Variants in VTI1A observed in about 807,000 individuals in gnomAD.
VTI1A encodes the protein vesicle transport through interaction with t-SNAREs 1A, also known as vesicle transport through interaction with t-SNAREs homolog 1A.
Under a neutral mutation model 34.9 loss-of-function variants are expected in VTI1A, and 22 were observed. That is an observed-to-expected ratio of 0.63 (90% CI 0.45 to 0.90). VTI1A has a LOEUF of 0.90. Among genes scored for constraint, VTI1A ranks in the 40% least tolerant of loss-of-function variants. The pLI is 0.00. For missense variants in VTI1A, 268 were observed against 275.6 expected, an observed-to-expected ratio of 0.97 and a Z score of 0.20; for synonymous variants, 87 against 97.3, an observed-to-expected ratio of 0.89 and a Z score of 0.62.
At chr10:112,512,810 C>G (rs964940774) in intron 3 of VTI1A, among the ~76,000 whole-genome samples, 5 of 152,120 alleles carry the variant, frequency 3.3e-5, no homozygotes, top group Non-Finnish European at 5.9e-5. Context: ...AGTCCTTTCT[C>G]CAGTGTAAGT....
At chr10:112,593,171 C>T (rs149379836) in intron 5 of VTI1A, among the ~76,000 whole-genome samples, 21 of 152,316 alleles carry the variant, frequency 1.4e-4, no homozygotes, top group Admixed American at 5.9e-4. Flanking sequence ...TTTCAACCCT[C>T]GCTCAACATT....
At chr10:112,737,909 A>T (rs1850554011) in intron 7 of VTI1A, 2 of 1,062,512 alleles carry the variant, frequency 1.9e-6, no homozygotes, top group Admixed American at 1.1e-4. Context: ...TGAGGGAGAG[A>T]GCTGAGGATG....
intron 3 of VTI1A, among the ~76,000 whole-genome samples, chr10:112,507,581 C>T (rs1182712656): frequency 6.6e-6 from 1 of 152,182 alleles, no homozygotes; most frequent in Non-Finnish European, 1.5e-5. Flanking sequence ...CTATACTATA[C>T]CCAAGATCTC....
chr10:112,720,210 T>C lies in VTI1A; in HGVS notation c.560+51212T>C, dbSNP rs192951533. Among the ~76,000 whole-genome samples, 19 of 152,346 alleles carry C rather than the reference T, an allele frequency of 1.2e-4. No individual in the cohort carries two copies. The East Asian group carries it at 3.5e-3, about 28-fold the overall frequency. ...TTTTGTGTGAACATACACTTTCATTTCTCCTTGCTGCCTACTTAGGAGTAG... is the reference window on the plus strand; with the variant it reads ...TTTTGTGTGAACATACACTTTCATTCCTCCTTGCTGCCTACTTAGGAGTAG... On this transcript the variant is annotated intron_variant, in intron 7 of 7. Coordinates refer to ENST00000393077, the MANE Select transcript of VTI1A (RefSeq NM_145206.4).
At chr10:112,670,501 C>T (rs1847808538) in intron 7 of VTI1A, among the ~76,000 whole-genome samples, 1 of 152,126 alleles carries the variant, frequency 6.6e-6, no homozygotes, top group South Asian at 2.1e-4. Context: ...GGTTTCGAAA[C>T]CAATGTATTT....
chr10:112,750,169 C>CT (rs565737346), intron 7 of VTI1A, among the ~76,000 whole-genome samples: 5,760 of 145,358 alleles, frequency 0.04, 370 homozygotes, highest in African/African-American at 0.14. Context: ...AAGAGACTGA[C>CT]TTTTTTTTTT....
chr10:112,766,417 A>C (rs991208708), intron 7 of VTI1A, among the ~76,000 whole-genome samples: 5 of 152,218 alleles, frequency 3.3e-5, no homozygotes, highest in African/African-American at 1.2e-4. Flanking sequence ...CTTAAGTTCC[A>C]ATATAATTTT....
downstream of VTI1A, among the ~76,000 whole-genome samples, chr10:112,821,434 G>A (rs12358731): frequency 0.3 from 46,302 of 152,082 alleles, 7,614 homozygotes; most frequent in East Asian, 0.58. Flanking sequence ...CAACTTTGCT[G>A]TTTTTCACTT....
At chr10:112,505,618 T>C (rs1279767072) in intron 3 of VTI1A, among the ~76,000 whole-genome samples, 2 of 152,162 alleles carry the variant, frequency 1.3e-5, no homozygotes, top group Non-Finnish European at 2.9e-5. Context: ...AACTATGTTA[T>C]ATGCTTGTTT....
At chr10:112,708,074 G>A (rs887829953) in intron 7 of VTI1A, among the ~76,000 whole-genome samples, 1 of 152,200 alleles carries the variant, frequency 6.6e-6, no homozygotes, top group Non-Finnish European at 1.5e-5. Flanking sequence ...CTGTTAGACA[G>A]TTCTATCCTG....
chr10:112,690,740 T>C (rs1027563218), intron 7 of VTI1A, among the ~76,000 whole-genome samples: 11 of 152,212 alleles, frequency 7.2e-5, no homozygotes, highest in African/African-American at 2.2e-4. Flanking sequence ...ATGAAAAATA[T>C]AGAGCATGTG....
At chr10:112,678,408 T>G (rs1848102190) in intron 7 of VTI1A, among the ~76,000 whole-genome samples, 1 of 152,188 alleles carries the variant, frequency 6.6e-6, no homozygotes, top group African/African-American at 2.4e-5. Context: ...TGGCTATTTA[T>G]TAACATATAC....
At chr10:112,779,846 C>T (rs570974546) in intron 7 of VTI1A, among the ~76,000 whole-genome samples, 13 of 152,270 alleles carry the variant, frequency 8.5e-5, no homozygotes, top group African/African-American at 3.1e-4. Context: ...TAAATAGAAG[C>T]TCTCATGCTC....
At position 112,546,204 on chromosome 10, in the gene VTI1A, TAC is replaced by T. The variant is rs140142571; in HGVS notation, c.427+7896_427+7897del. ...ACATACGCACACACATATATATGCA[TAC>T]ACACACACACACACACACACATATA... is the stretch of plus-strand genomic sequence containing the variant. On this transcript the variant is annotated intron_variant, in intron 5 of 7. Transcript: ENST00000393077. 2.4e-3 allele frequency among the ~76,000 whole-genome samples: 332 copies of T among 136,242 alleles called. 6 individuals are homozygous for T. Among genetic ancestry groups the T allele is most frequent in the Middle Eastern group, 7.5e-3 (2 of 268 alleles). 89.4% of individuals were successfully genotyped at this position (136,242 alleles called of 152,430 possible). A position where few individuals can be genotyped will look rare whatever the true frequency, so the allele number is the denominator to read the frequency against.
intron 3 of VTI1A, among the ~76,000 whole-genome samples, chr10:112,483,945 G>A (rs1848532482): frequency 6.6e-6 from 1 of 152,168 alleles, no homozygotes; most frequent in Non-Finnish European, 1.5e-5. Context: ...TCCAGGACTA[G>A]AAATCAAGTC....
intron 5 of VTI1A, among the ~76,000 whole-genome samples, chr10:112,591,474 C>T (rs1431537071): frequency 2.0e-5 from 3 of 151,892 alleles, no homozygotes; most frequent in African/African-American, 4.8e-5. Context: ...GAGCAGAGAT[C>T]GCACCACTGC....
chr10:112,803,788 A>G (rs1852967366), intron 7 of VTI1A, among the ~76,000 whole-genome samples: 1 of 152,230 alleles, frequency 6.6e-6, no homozygotes, highest in Non-Finnish European at 1.5e-5. Flanking sequence ...AATAAAATGA[A>G]GAATTTAGAC....
chr10:112,685,468 C>G (rs1314312613), intron 7 of VTI1A, among the ~76,000 whole-genome samples: 3 of 151,964 alleles, frequency 2.0e-5, no homozygotes, highest in African/African-American at 7.3e-5. Flanking sequence ...TTTCTTTATC[C>G]TATTGCCTCA....
chr10:112,563,019 T>G (rs1222739139), intron 5 of VTI1A, among the ~76,000 whole-genome samples: 1 of 152,146 alleles, frequency 6.6e-6, no homozygotes, highest in Non-Finnish European at 1.5e-5. Flanking sequence ...TCATTAAAAT[T>G]GCACCCGCGT....
Sources: allele counts gnomAD v4.1 joint callset (sites outside exome capture counted in the v4.1 genomes callset), GRCh38; gene constraint gnomAD v4.1.1; transcripts MANE v1.5; gene names NCBI Gene and HGNC (gene_info 2026-07-23, HGNC 2026-07-21).